The following AK7 variants were observed in gnomAD, a reference collection of about 807,000 sequenced individuals.
AK7 encodes the protein adenylate kinase 7.
Under a neutral mutation model 96.6 loss-of-function variants are expected in AK7, and 78 were observed. The observed-to-expected ratio is 0.81, with a 90% CI of 0.67 to 0.97. The LOEUF is 0.97. Ranked by LOEUF, AK7 falls within the 50% of genes least tolerant of loss-of-function variation. The probability of loss-of-function intolerance (pLI) is 0.00; values close to 1 mark genes in which losing one functional copy is unlikely to be tolerated. For missense variants in AK7, 855 were observed against 887.9 expected (o/e 0.96, Z 0.47); for synonymous variants, 302 against 317.2 (o/e 0.95, Z 0.51).
At chr14:96,424,381 T>G (rs1891902376) in intron 5 of AK7, among the ~76,000 whole-genome samples, 1 of 152,246 alleles carries the variant, frequency 6.6e-6, no homozygotes, top group African/African-American at 2.4e-5. Context: ...ACTCGTAGTA[T>G]CTCATGAGTT....
chr14:96,413,732 A>C (rs931066380), intron 4 of AK7, among the ~76,000 whole-genome samples: 8 of 152,364 alleles, frequency 5.3e-5, no homozygotes, highest in Admixed American at 3.3e-4. Context: ...CATTATGCTT[A>C]ATTGAAATCA....
At chr14:96,445,291 T>TC (rs1176580292) in intron 7 of AK7, among the ~76,000 whole-genome samples, 3 of 152,234 alleles carry the variant, frequency 2.0e-5, no homozygotes, top group African/African-American at 7.2e-5. Context: ...TAGCATTTTT[T>TC]CCCCAGAGGT....
At chr14:96,427,116 A>G (rs1046094328) in intron 5 of AK7, among the ~76,000 whole-genome samples, 1 of 152,152 alleles carries the variant, frequency 6.6e-6, no homozygotes, top group African/African-American at 2.4e-5. Flanking sequence ...GTGGTAGTGC[A>G]TGCCTGTAAT....
At chr14:96,452,255 T>A (rs745359899) in intron 10 of AK7, among the ~76,000 whole-genome samples, 3 of 152,196 alleles carry the variant, frequency 2.0e-5, no homozygotes, top group African/African-American at 7.2e-5. Flanking sequence ...TCATTTTTTA[T>A]GGTGAAAGGT....
chr14:96,470,752 T>A (rs572595450), intron 12 of AK7, among the ~76,000 whole-genome samples: 1 of 152,350 alleles, frequency 6.6e-6, no homozygotes, highest in African/African-American at 2.4e-5. Flanking sequence ...TAGTAAATTA[T>A]GTGCTGGCAA....
At chr14:96,453,110 T>TG (rs745919208) in intron 10 of AK7, among the ~76,000 whole-genome samples, 3 of 151,856 alleles carry the variant, frequency 2.0e-5, no homozygotes, top group Non-Finnish European at 4.4e-5. Flanking sequence ...CGTATTCTCT[T>TG]GGAAAAAAAA....
At chr14:96,404,913 G>A (rs758792917) in intron 3 of AK7, 48 bp downstream of exon 3, 24 of 1,376,288 alleles carry the variant, frequency 1.7e-5, no homozygotes, top group South Asian at 1.3e-5. Context: ...TTGTAGTGCT[G>A]CCTACTTCAC....
chr14:96,478,397 G>A (rs1057380736), intron 14 of AK7, 68 bp from the exon 15 acceptor site: 48 of 1,537,882 alleles, frequency 3.1e-5, no homozygotes, highest in African/African-American at 1.8e-4. Flanking sequence ...GGGGCCATGC[G>A]TTCTCCAGCA....
intron 8 of AK7, among the ~76,000 whole-genome samples, chr14:96,448,807 T>C (rs1447183873): frequency 1.3e-5 from 2 of 151,792 alleles, no homozygotes; most frequent in East Asian, 3.9e-4. Flanking sequence ...AATACAAAAA[T>C]TAGCCAGGCG....
intron 12 of AK7, among the ~76,000 whole-genome samples, chr14:96,469,651 A>C (rs1894776138): frequency 6.6e-6 from 1 of 152,206 alleles, no homozygotes; most frequent in Admixed American, 6.5e-5. Context: ...AGTAATGTAG[A>C]ATCATTCAGA....
chr14:96,439,644 A>G (rs1892845725), intron 6 of AK7, among the ~76,000 whole-genome samples: 1 of 145,902 alleles, frequency 6.9e-6, no homozygotes, highest in Non-Finnish European at 1.5e-5. Context: ...AGCCTGGGTG[A>G]CAGAGCGAGA....
chr14:96,482,265 A>G lies in AK7; in HGVS notation c.1754-734A>G, dbSNP rs369473674. ...CAAAACAAAACAATAAAAAACAAAC[A>G]TGGGAGGGGTGGGCACAGCAGTGAC... On this transcript the variant is annotated intron_variant, in intron 15 of 17. Transcript: ENST00000267584. 1.4e-4 allele frequency among the ~76,000 whole-genome samples: 22 copies of G among 152,052 alleles called. No individual in the cohort carries two copies. In the East Asian group the frequency reaches 3.7e-3, roughly 26 times the overall value.
At chr14:96,441,336 C>A (rs187805231) in intron 6 of AK7, among the ~76,000 whole-genome samples, 1 of 150,974 alleles carries the variant, frequency 6.6e-6, no homozygotes, top group Non-Finnish European at 1.5e-5. Context: ...TCATAGTGGG[C>A]AAATTGTGAG....
intron 1 of AK7, among the ~76,000 whole-genome samples, chr14:96,393,165 T>C (rs903439976): frequency 1.3e-5 from 2 of 152,162 alleles, no homozygotes; most frequent in African/African-American, 4.8e-5. Flanking sequence ...CATGCTAATA[T>C]GATCAGTTGT....
chr14:96,402,839 G>A (rs1327049780), intron 2 of AK7, among the ~76,000 whole-genome samples: 2 of 151,598 alleles, frequency 1.3e-5, no homozygotes, highest in African/African-American at 2.4e-5. Context: ...CAATTAAATG[G>A]AGGTCATCAG....
Position 96,471,608 on chromosome 14 carries a change from T to C in AK7, c.1486+2T>C. 6.5e-7 allele frequency: 1 copy of C among 1,542,612 alleles called. No homozygotes were observed. The highest frequency in any genetic ancestry group is 1.3e-5 in the South Asian group (1 of 77,036). ...ATCAAGCAAAAGACCTGTTCAATCGTAAGTTTGAGTGTTCTATTTTGAGTA... is the reference window on the plus strand; with the variant it reads ...ATCAAGCAAAAGACCTGTTCAATCGCAAGTTTGAGTGTTCTATTTTGAGTA... On this transcript the variant is annotated splice_donor_variant, in intron 13 of 17. Transcript: ENST00000267584. LOFTEE classifies it high-confidence loss of function.
chr14:96,405,981 A>G (rs1890688355), intron 3 of AK7, among the ~76,000 whole-genome samples: 1 of 151,786 alleles, frequency 6.6e-6, no homozygotes, highest in Admixed American at 6.6e-5. Flanking sequence ...TAATGTAAGG[A>G]CCTCAAGTCT....
intron 1 of AK7, among the ~76,000 whole-genome samples, chr14:96,397,563 T>C (rs1890152062): frequency 1.3e-5 from 2 of 152,170 alleles, no homozygotes. Context: ...AGCATTTAAA[T>C]TAATTTTACC....
At chr14:96,464,374 C>A (rs1049212299) in intron 12 of AK7, among the ~76,000 whole-genome samples, 1 of 151,380 alleles carries the variant, frequency 6.6e-6, no homozygotes, top group Admixed American at 6.6e-5. Flanking sequence ...ATAGCAGGAC[C>A]CCACCTCTAC....
Sources: gnomAD v4.1 joint callset for allele counts (sites outside exome capture counted in the v4.1 genomes callset) on GRCh38, gnomAD v4.1.1 for gene constraint, MANE v1.5 for transcripts, NCBI Gene and HGNC (gene_info 2026-07-23, HGNC 2026-07-21) for gene names.